The following TRIM2 variants were observed in gnomAD, a reference collection of about 807,000 sequenced individuals.
TRIM2 encodes the protein tripartite motif containing 2.
Under a neutral mutation model 75.2 loss-of-function variants are expected in TRIM2, and 20 were observed. The observed-to-expected ratio is 0.27, with a 90% CI of 0.19 to 0.39. The LOEUF (loss-of-function observed/expected upper bound fraction) is 0.39. TRIM2 is among the 10% of genes least tolerant of loss of function. The pLI, the probability that TRIM2 is intolerant of heterozygous loss-of-function variation, is 1.00. For missense variants in TRIM2, 660 were observed against 990.8 expected, an observed-to-expected ratio of 0.67 and a Z score of 4.48; for synonymous variants, 373 against 388.3, an observed-to-expected ratio of 0.96 and a Z score of 0.46.
At chr4:153,243,789 T>A (rs1578870111) in intron 1 of TRIM2, among the ~76,000 whole-genome samples, 1 of 149,100 alleles carries the variant, frequency 6.7e-6, no homozygotes, top group Non-Finnish European at 1.5e-5. Context: ...TTTCTTATTC[T>A]CCTTCCTCCT....
At chr4:153,241,072 CT>C (rs1746438906) in intron 1 of TRIM2, among the ~76,000 whole-genome samples, 1 of 152,158 alleles carries the variant, frequency 6.6e-6, no homozygotes, top group African/African-American at 2.4e-5. Context: ...GCGAGACTCC[CT>C]CTCAGAAAAA....
chr4:153,204,680 A>T, intron 1 of TRIM2, 120 bp downstream of exon 1: 1 of 1,267,690 alleles, frequency 7.9e-7, no homozygotes, highest in South Asian at 1.3e-5. Context: ...TTTTCCCTGC[A>T]GAAGAGGGAA....
intron 1 of TRIM2, among the ~76,000 whole-genome samples, chr4:153,183,005 T>C (rs1170744579): frequency 6.6e-6 from 1 of 152,234 alleles, no homozygotes; most frequent in Non-Finnish European, 1.5e-5. Context: ...TCACCTAGCA[T>C]AGCACTTGGA....
intron 6 of TRIM2, among the ~76,000 whole-genome samples, chr4:153,304,258 C>T (rs900580059): frequency 3.4e-4 from 51 of 152,176 alleles, no homozygotes; most frequent in African/African-American, 1.0e-3. Flanking sequence ...GGGCTACAGG[C>T]GTGCACCACC....
intron 11 of TRIM2, 134 bp downstream of exon 11, chr4:153,328,804 A>T (rs1043546319): frequency 1.2e-5 from 12 of 1,001,228 alleles, no homozygotes; most frequent in Non-Finnish European, 1.5e-5. Context: ...CTCTCACCAG[A>T]AGGACCAAAC....
At chr4:153,163,518 T>TTG (rs1729966288) in intron 1 of TRIM2, among the ~76,000 whole-genome samples, 1 of 143,014 alleles carries the variant, frequency 7.0e-6, no homozygotes, top group Non-Finnish European at 1.5e-5. Flanking sequence ...TTTTTTTTTT[T>TTG]TGAGGCAGAG....
chr4:153,245,905 C>A (rs1749008768), intron 1 of TRIM2, among the ~76,000 whole-genome samples: 1 of 152,178 alleles, frequency 6.6e-6, no homozygotes, highest in African/African-American at 2.4e-5. Context: ...TCTCAATTTT[C>A]TGAGCTCAAG....
chr4:153,184,142 C>T (rs949083510), intron 1 of TRIM2, among the ~76,000 whole-genome samples: 1 of 152,242 alleles, frequency 6.6e-6, no homozygotes, highest in South Asian at 2.1e-4. Flanking sequence ...GACAGGGTGT[C>T]TTAGTCTGCT....
intron 2 of TRIM2, 52 bp from the exon 3 acceptor site, chr4:153,275,841 G>GA: frequency 6.6e-7 from 1 of 1,511,390 alleles, no homozygotes; most frequent in East Asian, 2.3e-5. Context: ...GTACCTGTGA[G>GA]AAGTGGAGGT....
At chr4:153,334,272 G>A (rs527564534) in intron 11 of TRIM2, among the ~76,000 whole-genome samples, 1 of 152,162 alleles carries the variant, frequency 6.6e-6, no homozygotes, top group African/African-American at 2.4e-5. Flanking sequence ...TAGATGGGGA[G>A]AGGAGAGAAA....
chr4:153,240,388 G>T (rs191333313), intron 1 of TRIM2, among the ~76,000 whole-genome samples: 6 of 152,114 alleles, frequency 3.9e-5, no homozygotes, highest in Non-Finnish European at 8.8e-5. Flanking sequence ...ACTCCCAGTT[G>T]GAAGGAAGAG....
In TRIM2 at chr4:153,161,530, G is replaced by A. The variant is rs113903884; in HGVS notation, c.-49+8260G>A. On this transcript the variant is annotated intron_variant, in intron 1 of 11. Transcript: ENST00000437508. ...GTCATGTCTGTCTGAATTTAAAGCC[G>A]TTGCTTTTCCTGATATACTCTGCAT... Among the ~76,000 whole-genome samples the A allele has an allele frequency of 2.9e-3, 449 of 152,312 alleles. 2 individuals carry two copies. Among genetic ancestry groups the A allele is most frequent in the Non-Finnish European group, 5.1e-3 (347 of 68,020 alleles).
At chr4:153,261,575 C>T (rs1317857724) in intron 1 of TRIM2, among the ~76,000 whole-genome samples, 1 of 152,118 alleles carries the variant, frequency 6.6e-6, no homozygotes, top group East Asian at 1.9e-4. Context: ...ACCTCTTACC[C>T]ACAAATCACA....
intron 4 of TRIM2, among the ~76,000 whole-genome samples, chr4:153,293,760 C>G (rs760404424): frequency 2.0e-4 from 30 of 152,218 alleles, no homozygotes; most frequent in Non-Finnish European, 4.1e-4. Flanking sequence ...AACTTGGAAA[C>G]TTACGAGAAG....
intron 3 of TRIM2, among the ~76,000 whole-genome samples, chr4:153,284,453 C>T (rs147776211): frequency 2.7e-5 from 4 of 149,728 alleles, no homozygotes; most frequent in African/African-American, 7.4e-5. Context: ...ATCTGCCAGC[C>T]TTGGCCTCCC....
intron 10 of TRIM2, among the ~76,000 whole-genome samples, chr4:153,326,979 C>CAAAAAAA (rs10718802): frequency 2.0e-5 from 2 of 98,974 alleles, no homozygotes; most frequent in African/African-American, 7.3e-5. Context: ...GACTCCATCT[C>CAAAAAAA]AAAAAAAAAA....
In TRIM2 at chr4:153,213,504, T is replaced by C. The variant is rs184743142; in HGVS notation, c.30+8944T>C. 1.4e-3 allele frequency among the ~76,000 whole-genome samples: 219 copies of C among 152,290 alleles called. 3 individuals are homozygous for C. The South Asian group carries it at 0.015, about 10-fold the overall frequency. On this transcript the variant is annotated intron_variant, in intron 1 of 11. Transcript: ENST00000338700. ...TGCATCTTAATTAATTTAATCTTTGTAGCAATCCCACTATTATTTTTTACT... is the reference window on the plus strand; with the variant it reads ...TGCATCTTAATTAATTTAATCTTTGCAGCAATCCCACTATTATTTTTTACT...
At chr4:153,300,118 G>C (rs1048517728) in intron 6 of TRIM2, among the ~76,000 whole-genome samples, 1 of 152,144 alleles carries the variant, frequency 6.6e-6, no homozygotes, top group Admixed American at 6.5e-5. Flanking sequence ...TGGGATTGCT[G>C]GTTCATATGA....
At chr4:153,323,206 G>T (rs1476274195) in intron 9 of TRIM2, among the ~76,000 whole-genome samples, 1 of 152,070 alleles carries the variant, frequency 6.6e-6, no homozygotes, top group East Asian at 1.9e-4. Context: ...ACCTTTCTAG[G>T]TTATTGTAAG....
Sources: gnomAD v4.1 joint callset for allele counts (sites outside exome capture counted in the v4.1 genomes callset) on GRCh38, gnomAD v4.1.1 for gene constraint, MANE v1.5 for transcripts, NCBI Gene and HGNC (gene_info 2026-07-23, HGNC 2026-07-21) for gene names.